AP4E1: variants seen among roughly 807,000 people sequenced by gnomAD.
The protein encoded by AP4E1 is AP-4 complex subunit epsilon-1.
AP4E1 carries 56 observed loss-of-function variants against 128.2 expected under a neutral mutation model. The observed-to-expected ratio is 0.44, with a 90% CI of 0.35 to 0.55. AP4E1 has a LOEUF of 0.55. Among genes scored for constraint, AP4E1 ranks in the 20% least tolerant of loss-of-function variants. The pLI, the probability that AP4E1 is intolerant of heterozygous loss-of-function variation, is 0.00. For synonymous variants in AP4E1, 484 were observed against 473.1 expected, an observed-to-expected ratio of 1.02 and a Z score of -0.30; for missense variants, 1,324 against 1,307.7, an observed-to-expected ratio of 1.01 and a Z score of -0.19.
intron 14 of AP4E1, among the ~76,000 whole-genome samples, chr15:50,961,224 C>T (rs1436447086): frequency 6.6e-6 from 1 of 151,814 alleles, no homozygotes; most frequent in Admixed American, 6.6e-5. Context: ...CCAAAAAAAT[C>T]GAAGAGGAGG....
At chr15:50,967,219 T>C (rs903906474) in intron 14 of AP4E1, among the ~76,000 whole-genome samples, 6 of 152,242 alleles carry the variant, frequency 3.9e-5, no homozygotes, top group African/African-American at 1.4e-4. Flanking sequence ...CTTGCAGAGA[T>C]GTCCATGACT....
At chr15:50,934,743 T>C (rs2063884979) in intron 8 of AP4E1, 46 bp downstream of exon 8, 2 of 1,280,332 alleles carry the variant, frequency 1.6e-6, no homozygotes, top group Middle Eastern at 4.1e-4. Context: ...ATAATGTTTT[T>C]TAGTATTGCA....
chr15:50,930,819 A>T lies in AP4E1; in HGVS notation c.717A>T (p.Gly239=). ...GGGGGATGTAGGAGAATTCATCTGG[A>T]TATAAAGACTTGACTGGGAGTTTTG... The part of the protein sequence containing the change: ...YLRMIKENSS[G]YKDLTGSFVT... Residue 239 remains glycine, a synonymous_variant, in exon 7 of 21, where the codon GGA becomes GGT. Transcript: ENST00000261842. 6.2e-7 allele frequency: 1 copy of T among 1,614,100 alleles called. No individual in the cohort carries two copies. Among genetic ancestry groups the T allele is most frequent in the Non-Finnish European group, 8.5e-7 (1 of 1,180,012 alleles).
In AP4E1 at chr15:50,928,714, GTT is replaced by G. The variant is rs10588492; in HGVS notation, c.543-283_543-282del. On this transcript the variant is annotated intron_variant, in intron 5 of 20. Coordinates refer to ENST00000261842, the MANE Select transcript of AP4E1 (RefSeq NM_007347.5). ...GAGAATTAAGAAATTTGTTTTTCATGTTTTTTTTTTTTTAATCTCAAAAGTAA... is the reference window on the plus strand; with the variant it reads ...GAGAATTAAGAAATTTGTTTTTCATGTTTTTTTTTTTAATCTCAAAAGTAA... Among the ~76,000 whole-genome samples, 27,358 of 139,540 alleles carry G rather than the reference GTT, an allele frequency of 0.2. 2,584 individuals carry two copies. Among genetic ancestry groups the G allele is most frequent in the South Asian group, 0.25 (1,110 of 4,450 alleles). 91.5% of individuals were successfully genotyped at this position (139,540 alleles called of 152,430 possible).
intron 15 of AP4E1, among the ~76,000 whole-genome samples, chr15:50,973,484 G>T (rs937867121): frequency 3.3e-5 from 5 of 152,078 alleles, no homozygotes; most frequent in African/African-American, 1.2e-4. Context: ...CGTTATGATT[G>T]ACTGTAGATA....
At position 50,927,516 on chromosome 15, in the gene AP4E1, G is replaced by GTTT. The variant is rs11378934; in HGVS notation, c.543-1479_543-1477dup. ...CTGTGAACTCCTGGGCCTATTCAGA[G>GTTT]TTTTTTTTTTTTTTTTCCTCACTTC... On this transcript the variant is annotated intron_variant, in intron 5 of 20. Transcript: ENST00000261842. Among the ~76,000 whole-genome samples the GTTT allele has an allele frequency of 9.9e-3, 1,388 of 140,242 alleles. 38 individuals are homozygous for GTTT. Among genetic ancestry groups the GTTT allele is most frequent in the African/African-American group, 0.032 (1,220 of 37,860 alleles). 92.0% of individuals were successfully genotyped at this position (140,242 alleles called of 152,430 possible).
At chr15:50,911,430 CTT>C (rs1491583702) in intron 1 of AP4E1, among the ~76,000 whole-genome samples, 1 of 151,016 alleles carries the variant, frequency 6.6e-6, no homozygotes. Context: ...AGATGAGACT[CTT>C]TTCTTGGGCC....
chr15:50,919,186 C>T (rs559998819), intron 3 of AP4E1, among the ~76,000 whole-genome samples: 10 of 151,290 alleles, frequency 6.6e-5, no homozygotes, highest in East Asian at 3.9e-4. Flanking sequence ...GCCAAGATCA[C>T]GCCACTGCAC....
chr15:50,955,586 G>T lies in AP4E1; in HGVS notation c.1549-2906G>T, dbSNP rs578187442. Among the ~76,000 whole-genome samples, 28 of 152,282 alleles carry T rather than the reference G, an allele frequency of 1.8e-4. No individual in the cohort carries two copies. The South Asian group carries it at 5.4e-3, about 29-fold the overall frequency. On this transcript the variant is annotated intron_variant, in intron 13 of 20. Transcript: ENST00000261842. ...CATCTTCAGTTCTGTGGCCTATACT[G>T]ACACTATGAGGGGGTGGCTTGCTGA... is the stretch of plus-strand genomic sequence containing the variant.
Position 51,005,153 on chromosome 15 carries a change from T to G in AP4E1, c.*2491T>G, listed in dbSNP as rs1445422533. ...TGCCCGCCTCAGCCTCCCAAAGTGC[T>G]GGGATTACAGGCGTGAGCCACTGCG... On this transcript the variant is annotated 3_prime_UTR_variant, in exon 21 of 21. Coordinates refer to ENST00000261842, the MANE Select transcript of AP4E1 (RefSeq NM_007347.5). 2 of 152,332 alleles carry G rather than the reference T, an allele frequency of 1.3e-5. No individual in the cohort carries two copies. Among genetic ancestry groups the G allele is most frequent in the African/African-American group, 4.8e-5 (2 of 41,478 alleles). The allele number at this position is 152,332 out of a possible 1,614,324, so 9.4% of individuals were successfully genotyped here. A position where few individuals can be genotyped will look rare whatever the true frequency, so the allele number is the denominator to read the frequency against.
chr15:50,946,258 T>A (rs2064060255), intron 10 of AP4E1, among the ~76,000 whole-genome samples: 2 of 152,242 alleles, frequency 1.3e-5, no homozygotes, highest in South Asian at 4.1e-4. Context: ...ATTACAGATA[T>A]ACTCTGTATA....
At chr15:50,908,682 A>G (rs2063525693), upstream of AP4E1, 1 of 1,318,246 alleles carries the variant, frequency 7.6e-7, no homozygotes, top group East Asian at 3.0e-5. Context: ...AAAAAACAGG[A>G]AGTGCCTACG....
At chr15:50,958,348 G>T in intron 13 of AP4E1, 144 bp from the exon 14 acceptor site, 2 of 684,242 alleles carry the variant, frequency 2.9e-6, no homozygotes, top group African/African-American at 1.8e-5. Context: ...ATATACAGTT[G>T]TATCTTTAAT....
At chr15:50,932,851 A>G (rs908091586) in intron 7 of AP4E1, among the ~76,000 whole-genome samples, 2 of 152,254 alleles carry the variant, frequency 1.3e-5, no homozygotes, top group African/African-American at 2.4e-5. Flanking sequence ...ATGTACACAC[A>G]TTAGAAATGA....
intron 15 of AP4E1, among the ~76,000 whole-genome samples, chr15:50,969,290 A>G (rs901903391): frequency 7.2e-5 from 11 of 152,150 alleles, no homozygotes; most frequent in African/African-American, 2.7e-4. Flanking sequence ...TTAATTTGCT[A>G]AGGATGGCCT....
At position 50,941,691 on chromosome 15, in the gene AP4E1, C is replaced by T. The variant is rs1379528885; in HGVS notation, c.1092C>T (p.Ile364=). The T allele has an allele frequency of 1.2e-6, 2 of 1,613,460 alleles. No homozygotes were observed. Among genetic ancestry groups the T allele is most frequent in the Non-Finnish European group, 1.7e-6 (2 of 1,179,706 alleles). The change falls in exon 10 of 21, where the codon ATC becomes ATT. Residue 364 remains isoleucine, a synonymous_variant. Transcript: ENST00000261842. ...GACTGAAGGCTCTTACCTATGTTAT[C>T]CAACAGGATCCTACTCTGGCTCTTC... ...YLGLKALTYV[I]QQDPTLALQH...
At chr15:50,908,391 C>T (rs2063520078), upstream of AP4E1, among the ~76,000 whole-genome samples, 1 of 152,146 alleles carries the variant, frequency 6.6e-6, no homozygotes, top group Admixed American at 6.5e-5. Context: ...GACGCAACTC[C>T]TGACGCGGTC....
intron 13 of AP4E1, among the ~76,000 whole-genome samples, chr15:50,954,898 G>C (rs1029034994): frequency 1.3e-5 from 2 of 152,166 alleles, no homozygotes; most frequent in South Asian, 4.1e-4. Flanking sequence ...CCTGTTCCAA[G>C]TGTTCTCATT....
rs2064999487 is a variant in AP4E1, at chr15:51,004,535, TGA to T, written c.*1878_*1879del. Reference sequence around the variant, plus strand: ...TCATGAGTGGTAGCTGCAGTTGTCGTGAGAGACATGCTTGGCATACAGAGCTG... The same window carrying T: ...TCATGAGTGGTAGCTGCAGTTGTCGTGAGACATGCTTGGCATACAGAGCTG... On this transcript the variant is annotated 3_prime_UTR_variant, in exon 21 of 21. Transcript: ENST00000261842. The T allele has an allele frequency of 6.6e-6, 1 of 152,458 alleles. No homozygotes were observed. Among genetic ancestry groups the T allele is most frequent in the African/African-American group, 2.4e-5 (1 of 41,434 alleles). 9.4% of individuals were successfully genotyped at this position (152,458 alleles called of 1,614,324 possible).
Sources: allele counts gnomAD v4.1 joint callset (sites outside exome capture counted in the v4.1 genomes callset), GRCh38; gene constraint gnomAD v4.1.1; transcripts MANE v1.5; gene names NCBI Gene and HGNC (gene_info 2026-07-23, HGNC 2026-07-21).